Variants in GREB1 observed in about 807,000 individuals in gnomAD.
GREB1 encodes the protein growth regulating estrogen receptor binding 1, also known as protein GREB1.
Under a neutral mutation model 200.7 loss-of-function variants are expected in GREB1, and 106 were observed. The ratio of observed to expected loss-of-function variants is 0.53; its 90% CI spans 0.45 to 0.62. The LOEUF (loss-of-function observed/expected upper bound fraction) is 0.62, where lower values mean the gene tolerates loss of function less well. Ranked by LOEUF, GREB1 falls within the 20% of genes least tolerant of loss-of-function variation. GREB1 has a pLI of 0.00. For missense variants in GREB1, 2,243 were observed against 2,556.8 expected (o/e 0.88, Z 2.65); for synonymous variants, 1,132 against 1,092.4 (o/e 1.04, Z -0.72).
intron 1 of GREB1, among the ~76,000 whole-genome samples, chr2:11,500,438 C>T (rs1258441933): frequency 1.3e-5 from 2 of 149,944 alleles, no homozygotes; most frequent in Admixed American, 6.7e-5. Flanking sequence ...GGATTACCGG[C>T]GTAAGCCACT....
At chr2:11,490,160 C>T (rs1258332442) in intron 1 of GREB1, among the ~76,000 whole-genome samples, 6 of 152,224 alleles carry the variant, frequency 3.9e-5, no homozygotes, top group Admixed American at 6.5e-5. Flanking sequence ...AATTCCAGAA[C>T]ATTTTCGTCA....
In GREB1 at chr2:11,637,819, T is replaced by G. The variant is rs777668502; in HGVS notation, c.5450T>G (p.Phe1817Cys). 2.8e-5 allele frequency: 46 copies of G among 1,614,060 alleles called. No individual in the cohort carries two copies. The highest frequency in any genetic ancestry group is 3.8e-5 in the Non-Finnish European group (45 of 1,180,046). The change falls in exon 31 of 33, where the codon TTC (phenylalanine) becomes TGC (cysteine). Residue 1817 changes from phenylalanine to cysteine, a missense_variant. Physicochemically the swap from Phe to Cys is radical, Grantham distance 205. This residue lies in a region of GREB1 where 478 missense variants were observed against 616.3 expected (regional missense o/e 0.78). Transcript: ENST00000381486. ...CCCGCCCAGCTCCTGCTGGAGAAGT[T>G]CCTGCAGCACCACAGCCACCTCTTC... ...AAPAQLLLEKFLQHHSHLFFP... is the reference protein window; with the variant it reads ...AAPAQLLLEKCLQHHSHLFFP...
At chr2:11,578,807 G>A (rs752657762) in intron 6 of GREB1, among the ~76,000 whole-genome samples, 5 of 152,264 alleles carry the variant, frequency 3.3e-5, no homozygotes, top group Non-Finnish European at 5.9e-5. Flanking sequence ...CATTCACCCC[G>A]TGCTCAGCAC....
At chr2:11,521,349 A>G (rs1673698147) in intron 1 of GREB1, among the ~76,000 whole-genome samples, 1 of 152,092 alleles carries the variant, frequency 6.6e-6, no homozygotes, top group Admixed American at 6.6e-5. Context: ...GGCCCAAGCA[A>G]TTGGCCTACC....
intron 1 of GREB1, among the ~76,000 whole-genome samples, chr2:11,554,442 G>T (rs1208870347): frequency 6.6e-6 from 1 of 152,206 alleles, no homozygotes; most frequent in Non-Finnish European, 1.5e-5. Flanking sequence ...AACTCTTTCA[G>T]GGCATGAAGG....
chr2:11,496,985 T>TG (rs151325597), intron 1 of GREB1, among the ~76,000 whole-genome samples: 2,988 of 152,264 alleles, frequency 0.02, 72 homozygotes, highest in African/African-American at 0.056. Context: ...TTGGTAGAGA[T>TG]GGGGTCTCAC....
intron 1 of GREB1, among the ~76,000 whole-genome samples, chr2:11,520,632 CCTT>C (rs1673671331): frequency 6.6e-6 from 1 of 152,212 alleles, no homozygotes; most frequent in Non-Finnish European, 1.5e-5. Context: ...TCCTTTTCCT[CCTT>C]CTTCTTGTAT....
chr2:11,577,194 G>C (rs1314788923), intron 5 of GREB1, among the ~76,000 whole-genome samples: 2 of 152,086 alleles, frequency 1.3e-5, no homozygotes, highest in Admixed American at 6.5e-5. Context: ...TTGTCCCCTA[G>C]GGAACGTGTG....
intron 17 of GREB1, among the ~76,000 whole-genome samples, chr2:11,609,371 C>G (rs1018740897): frequency 1.3e-5 from 2 of 151,974 alleles, no homozygotes; most frequent in African/African-American, 4.8e-5. Flanking sequence ...TGAGTTCAAG[C>G]GATTCTCCTG....
rs529284921 is a variant in GREB1 at position 11,567,167 on chromosome 2, A to G, written c.454+511A>G. Reference sequence around the variant, plus strand: ...GAGACAGAGTCTCTCTCTGTCGCCCAGGCTGGAGTGCAGTGTTTACTGTCT... The same window carrying G: ...GAGACAGAGTCTCTCTCTGTCGCCCGGGCTGGAGTGCAGTGTTTACTGTCT... On this transcript the variant is annotated intron_variant, in intron 4 of 32. Coordinates refer to ENST00000381486, the MANE Select transcript of GREB1 (RefSeq NM_014668.4). Among the ~76,000 whole-genome samples the G allele has an allele frequency of 5.3e-5, 8 of 152,296 alleles. No individual in the cohort carries two copies. The East Asian group carries it at 1.5e-3, about 29-fold the overall frequency.
At chr2:11,487,393 G>A (rs926587403) in intron 1 of GREB1, among the ~76,000 whole-genome samples, 4 of 152,240 alleles carry the variant, frequency 2.6e-5, no homozygotes, top group Admixed American at 1.3e-4. Flanking sequence ...GTAGGACAAC[G>A]CTTGCTTTTT....
chr2:11,638,748 G>A lies in GREB1; in HGVS notation c.5625G>A (p.Leu1875=), dbSNP rs1685581343. The A allele has an allele frequency of 6.2e-7, 1 of 1,614,076 alleles. No individual in the cohort carries two copies. The highest frequency in any genetic ancestry group is 1.7e-5 in the Admixed American group (1 of 60,002). Residue 1875 remains leucine (L), a synonymous_variant, in exon 32 of 33, where the codon CTG becomes CTA. Coordinates refer to ENST00000381486, the MANE Select transcript of GREB1 (RefSeq NM_014668.4). ...CGGACTTGCTGTTCAGTGGGCTGCT[G>A]CTGTACCTCTGTGACTCTTTTGTGG... The part of the protein sequence containing the change: ...SCSDLLFSGL[L]LYLCDSFVGA...
intron 1 of GREB1, among the ~76,000 whole-genome samples, chr2:11,505,406 C>T (rs1411555837): frequency 1.3e-5 from 2 of 152,190 alleles, no homozygotes; most frequent in Admixed American, 1.3e-4. Flanking sequence ...CCTGTCTCTC[C>T]AGCCACTGGT....
At position 11,635,251 on chromosome 2, in the gene GREB1, C is replaced by G. The variant is rs200072553; in HGVS notation, c.5211-19C>G. 9.2e-4 allele frequency: 1,479 copies of G among 1,614,024 alleles called. No individual in the cohort carries two copies. Among genetic ancestry groups the G allele is most frequent in the Non-Finnish European group, 1.1e-3 (1,312 of 1,179,958 alleles). On this transcript the variant is annotated intron_variant, in intron 29 of 32. Transcript: ENST00000381486. ...GAGCTGTGCCCCATCAGACCCACCCCTCCTCTGGCCCTGAGTAGGTTCCTG... is the reference window on the plus strand; with the variant it reads ...GAGCTGTGCCCCATCAGACCCACCCGTCCTCTGGCCCTGAGTAGGTTCCTG...
chr2:11,592,873 G>A lies in GREB1; in HGVS notation c.1443G>A (p.Ala481=), dbSNP rs977349859. 4 of 1,597,464 alleles carry A rather than the reference G, an allele frequency of 2.5e-6. No individual in the cohort carries two copies. The highest frequency in any genetic ancestry group is 2.3e-5 in the East Asian group (1 of 43,634). The part of the protein sequence containing the change: ...HLTEIRQYQQ[A]PPQPFPPAPS... The stretch of plus-strand genomic sequence containing the variant: ...CCGAGATCCGGCAGTACCAGCAGGC[G>A]CCGCCGCAGCCCTTCCCGCCCGCGC... The change falls in exon 11 of 33, where the codon GCG becomes GCA. Residue 481 remains alanine, a synonymous_variant. Transcript: ENST00000381486.
intron 23 of GREB1, among the ~76,000 whole-genome samples, chr2:11,623,310 A>G (rs2148382637): frequency 6.6e-6 from 1 of 152,362 alleles, no homozygotes; most frequent in African/African-American, 2.4e-5. Flanking sequence ...TGATAATTAT[A>G]AACAACTGTT....
intron 19 of GREB1, 23 bp downstream of exon 19, chr2:11,612,633 T>TG (rs971140552): frequency 6.7e-7 from 1 of 1,491,792 alleles, no homozygotes; most frequent in African/African-American, 1.4e-5. Flanking sequence ...GTTATGCCCC[T>TG]GGGGGTCTCT....
At chr2:11,621,389 G>A (rs1684003109) in intron 23 of GREB1, among the ~76,000 whole-genome samples, 1 of 152,196 alleles carries the variant, frequency 6.6e-6, no homozygotes, top group Non-Finnish European at 1.5e-5. Context: ...AGATTTGACT[G>A]CTGCCTCTGC....
chr2:11,551,582 T>G (rs187463292), intron 1 of GREB1, among the ~76,000 whole-genome samples: 5 of 152,394 alleles, frequency 3.3e-5, no homozygotes, highest in African/African-American at 9.6e-5. Context: ...CATTTACTCT[T>G]AGGCAAATGA....
Sources: allele counts gnomAD v4.1 joint callset (sites outside exome capture counted in the v4.1 genomes callset), GRCh38; gene constraint gnomAD v4.1.1; regional missense constraint gnomAD v4.1.1; transcripts MANE v1.5; gene names NCBI Gene and HGNC (gene_info 2026-07-23, HGNC 2026-07-21).